Variants in NAP1L1 observed in about 807,000 individuals in gnomAD.
The protein encoded by NAP1L1 is nucleosome assembly protein 1 like 1, also known as nucleosome assembly protein 1-like 1.
In NAP1L1, 9 loss-of-function variants were observed where a neutral mutation model predicts 58.9. The observed-to-expected ratio is 0.15, with a 90% CI of 0.09 to 0.27. NAP1L1 has a LOEUF of 0.27. Ranked by LOEUF, NAP1L1 falls within the 10% of genes least tolerant of loss-of-function variation. The pLI is 1.00. For missense variants in NAP1L1, 302 were observed against 458.8 expected, an observed-to-expected ratio of 0.66 and a Z score of 3.12; for synonymous variants, 130 against 138.3, an observed-to-expected ratio of 0.94 and a Z score of 0.42.
intron 6 of NAP1L1, among the ~76,000 whole-genome samples, chr12:76,059,323 G>A (rs576552678): frequency 9.8e-5 from 15 of 152,354 alleles, no homozygotes; most frequent in Admixed American, 5.2e-4. Flanking sequence ...CGTTCTGAGA[G>A]GAAGGCCATT....
intron 1 of NAP1L1, among the ~76,000 whole-genome samples, chr12:76,080,127 G>A (rs1483850956): frequency 1.3e-5 from 2 of 152,160 alleles, no homozygotes; most frequent in South Asian, 2.1e-4. Context: ...GTCACATAAC[G>A]TTTCAGTCAA....
intron 6 of NAP1L1, among the ~76,000 whole-genome samples, chr12:76,058,283 A>C (rs1161034708): frequency 6.6e-6 from 1 of 150,574 alleles, no homozygotes; most frequent in South Asian, 2.1e-4. Context: ...TGTTCTGTAC[A>C]AGGCTGCTTA....
Position 76,057,603 on chromosome 12 carries a change from G to A in NAP1L1, c.430-1442C>T, listed in dbSNP as rs747973230. On this transcript the variant is annotated intron_variant, in intron 6 of 14. Transcript: ENST00000618691. ...AAGGAGACCCAAGGAACAGAGCCAAGTTAGATGCTGATTACCTACTTTGAG... is the reference window on the plus strand; with the variant it reads ...AAGGAGACCCAAGGAACAGAGCCAAATTAGATGCTGATTACCTACTTTGAG... 4.9e-5 allele frequency: 56 copies of A among 1,153,486 alleles called. No homozygotes were observed. In the East Asian group the frequency reaches 1.2e-3, roughly 25 times the overall value. 71.5% of individuals were successfully genotyped at this position (1,153,486 alleles called of 1,614,324 possible).
intron 3 of NAP1L1, 43 bp downstream of exon 3, chr12:76,068,866 T>A (rs1015527072): frequency 7.2e-7 from 1 of 1,392,984 alleles, no homozygotes; most frequent in South Asian, 1.2e-5. Context: ...CTAGTAGACA[T>A]GTGCCAGCAA....
Position 76,057,435 on chromosome 12 carries a change from A to C in NAP1L1, c.430-1274T>G, listed in dbSNP as rs1414738441. The C allele has an allele frequency of 6.9e-6, 4 of 575,854 alleles. No individual in the cohort carries two copies. The Admixed American group carries it at 1.1e-4, about 16-fold the overall frequency. 35.7% of individuals were successfully genotyped at this position (575,854 alleles called of 1,614,324 possible). A position where few individuals can be genotyped will look rare whatever the true frequency, so the allele number is the denominator to read the frequency against. On this transcript the variant is annotated intron_variant, in intron 6 of 14. Transcript: ENST00000618691. ...GGTATAAAAATACAACTGATGCTCT[A>C]GGGAGGCCCTGGCCGGGGAAACGAG...
intron 1 of NAP1L1, among the ~76,000 whole-genome samples, chr12:76,080,592 C>T (rs1056807296): frequency 6.6e-6 from 1 of 152,276 alleles, no homozygotes; most frequent in Non-Finnish European, 1.5e-5. Context: ...TCCCCCAGAA[C>T]ACATCCCCAT....
In NAP1L1 at chr12:76,060,157, T is replaced by C. The variant is rs1207919622; in HGVS notation, c.329A>G (p.Tyr110Cys). 4.3e-6 allele frequency: 7 copies of C among 1,612,940 alleles called. No homozygotes were observed. The highest frequency in any genetic ancestry group is 1.1e-5 in the South Asian group (1 of 91,032). Residue 110 changes from tyrosine (Y) to cysteine (C), a missense_variant, in exon 5 of 15, where the codon TAT becomes TGT. Tyr to Cys is a radical substitution (Grantham distance 194). Coordinates refer to ENST00000618691, the MANE Select transcript of NAP1L1 (RefSeq NM_004537.7). ...CATTACCTTATCAAATAGAGGCTGA[T>C]AGAGAACAGCATACTTCCTTTCAAG... ...HDLERKYAVL[Y>C]QPLFDKRFEI... is the part of the protein sequence containing the mutation.
chr12:76,076,310 C>A (rs1277877159), intron 1 of NAP1L1, among the ~76,000 whole-genome samples: 2 of 152,140 alleles, frequency 1.3e-5, no homozygotes, highest in South Asian at 4.2e-4. Context: ...ATTAGTTTGA[C>A]CTATGGTCTG....
chr12:76,076,023 A>C (rs1240104573), intron 1 of NAP1L1, among the ~76,000 whole-genome samples: 2 of 152,172 alleles, frequency 1.3e-5, no homozygotes, highest in African/African-American at 4.8e-5. Flanking sequence ...TTAAAAAAAC[A>C]AAATATGTCC....
chr12:76,057,498 C>T, intron 6 of NAP1L1: 1 of 674,306 alleles, frequency 1.5e-6, no homozygotes. Context: ...GTGGCGGGAG[C>T]AGAGCTGGCG....
chr12:76,055,133 G>A (rs189128852), intron 7 of NAP1L1, 43 bp from the exon 8 acceptor site: 28 of 1,389,698 alleles, frequency 2.0e-5, no homozygotes, highest in Middle Eastern at 1.8e-4. Context: ...CATGGCATTC[G>A]AGGACTGTGT....
Position 76,067,488 on chromosome 12 carries a change from G to T in NAP1L1, c.104-15C>A. 1 of 1,173,114 alleles carries T rather than the reference G, an allele frequency of 8.5e-7. No homozygotes were observed. The highest frequency in any genetic ancestry group is 1.3e-6 in the Non-Finnish European group (1 of 797,800). 72.7% of individuals were successfully genotyped at this position (1,173,114 alleles called of 1,614,324 possible). A position where few individuals can be genotyped will look rare whatever the true frequency, so the allele number is the denominator to read the frequency against. ...TAGCTGACGTGCTTTAAAAAAAAAA[G>T]GGCATCGAAAGAAGGATTTTATGAA... is the stretch of plus-strand genomic sequence containing the variant. On this transcript the variant is annotated splice_polypyrimidine_tract_variant and intron_variant, in intron 3 of 14. Coordinates refer to ENST00000618691, the MANE Select transcript of NAP1L1 (RefSeq NM_004537.7).
intron 6 of NAP1L1, chr12:76,057,813 G>T: frequency 6.5e-7 from 1 of 1,549,398 alleles, no homozygotes; most frequent in Non-Finnish European, 8.7e-7. Flanking sequence ...AAGAAGAGGA[G>T]AAGAAAAAAC....
At chr12:76,082,328 C>T (rs751577277) in intron 1 of NAP1L1, among the ~76,000 whole-genome samples, 5 of 152,092 alleles carry the variant, frequency 3.3e-5, no homozygotes, top group African/African-American at 7.2e-5. Flanking sequence ...AATGAGATGG[C>T]ATTTTGGATT....
In NAP1L1 at chr12:76,061,157, T is replaced by C. The variant is rs1377571051; in HGVS notation, c.207-878A>G. The C allele has an allele frequency of 1.6e-5, 4 of 251,404 alleles. No homozygotes were observed. The East Asian group carries it at 5.1e-4, about 32-fold the overall frequency. The allele number at this position is 251,404 out of a possible 1,614,324, so 15.6% of individuals were successfully genotyped here. A position where few individuals can be genotyped will look rare whatever the true frequency, so the allele number is the denominator to read the frequency against. On this transcript the variant is annotated intron_variant, in intron 4 of 14. Transcript: ENST00000618691. The stretch of plus-strand genomic sequence containing the variant: ...CACCATACAATGAACTGTGAAGCAC[T>C]ATTTTGTTAAAATTTTATTTTAGGT...
Position 76,053,120 on chromosome 12 carries a change from T to G in NAP1L1, c.917-10A>C, listed in dbSNP as rs866676827. On this transcript the variant is annotated splice_polypyrimidine_tract_variant and intron_variant, in intron 10 of 14. Transcript: ENST00000618691. ...TCTCCACTCTCAGGAACTGCAAAAT[T>G]GAGAAAAGAAATTACAATGAATAAG... is the stretch of plus-strand genomic sequence containing the variant. The G allele has an allele frequency of 3.1e-6, 5 of 1,612,350 alleles. No homozygotes were observed. The Middle Eastern group carries it at 8.3e-4, about 266-fold the overall frequency.
intron 11 of NAP1L1, among the ~76,000 whole-genome samples, chr12:76,051,588 A>G (rs1046236313): frequency 2.0e-5 from 3 of 152,172 alleles, no homozygotes; most frequent in African/African-American, 7.2e-5. Flanking sequence ...TATGTTGCCC[A>G]GGCTGGCCTC....
chr12:76,049,673 T>C (rs1183201606), intron 13 of NAP1L1, 83 bp downstream of exon 13: 5 of 1,565,996 alleles, frequency 3.2e-6, no homozygotes, highest in Non-Finnish European at 3.5e-6. Context: ...AGAATGATTA[T>C]AGCAAAGGAA....
intron 1 of NAP1L1, among the ~76,000 whole-genome samples, chr12:76,075,076 C>G (rs1950120335): frequency 1.3e-5 from 2 of 152,068 alleles, no homozygotes; most frequent in African/African-American, 4.8e-5. Context: ...GTGTTATATC[C>G]AGGCAGAAAA....
Sources: allele counts gnomAD v4.1 joint callset (sites outside exome capture counted in the v4.1 genomes callset), GRCh38; gene constraint gnomAD v4.1.1; transcripts MANE v1.5; gene names NCBI Gene and HGNC (gene_info 2026-07-23, HGNC 2026-07-21).